The following SMG6 variants were observed in gnomAD, a reference collection of about 807,000 sequenced individuals.
SMG6 encodes the protein SMG6 nonsense mediated mRNA decay factor, also known as telomerase-binding protein EST1A.
In SMG6, 66 loss-of-function variants were observed where a neutral mutation model predicts 142.2. The observed-to-expected ratio is 0.46, with a 90% CI of 0.38 to 0.57. The LOEUF (loss-of-function observed/expected upper bound fraction) is 0.57. Ranked by LOEUF, SMG6 falls within the 20% of genes least tolerant of loss-of-function variation. The pLI is 0.00. For synonymous variants in SMG6, 779 were observed against 702.4 expected (o/e 1.11, Z -1.72); for missense variants, 1,793 against 1,832.0 (o/e 0.98, Z 0.39).
At chr17:2,269,841 C>T (rs1011411915) in intron 8 of SMG6, among the ~76,000 whole-genome samples, 2 of 152,072 alleles carry the variant, frequency 1.3e-5, no homozygotes, top group Non-Finnish European at 2.9e-5. Flanking sequence ...CAGAACATGC[C>T]CAAAGTCTCG....
At chr17:2,159,334 G>A (rs1438634505) in intron 13 of SMG6, among the ~76,000 whole-genome samples, 1 of 152,154 alleles carries the variant, frequency 6.6e-6, no homozygotes, top group African/African-American at 2.4e-5. Flanking sequence ...AGAGGCTGAG[G>A]TAGGAGAATT....
intron 12 of SMG6, 68 bp downstream of exon 12, chr17:2,186,595 G>A (rs1485212048): frequency 1.9e-6 from 3 of 1,558,324 alleles, no homozygotes; most frequent in Admixed American, 1.7e-5. Context: ...GCAGGATGAA[G>A]AGGGGAGCTG....
chr17:2,144,132 C>G, intron 13 of SMG6, among the ~76,000 whole-genome samples: 1 of 145,636 alleles, frequency 6.9e-6, no homozygotes, highest in Non-Finnish European at 1.5e-5. Flanking sequence ...GATCTCGGCT[C>G]ACTGCAATGT....
intron 10 of SMG6, among the ~76,000 whole-genome samples, chr17:2,224,097 C>A (rs1194433768): frequency 6.6e-6 from 1 of 152,014 alleles, no homozygotes; most frequent in Non-Finnish European, 1.5e-5. Context: ...CATTCGTGAG[C>A]TAGTAAAATA....
chr17:2,121,832 G>GTCTTT (rs530714741), intron 13 of SMG6, among the ~76,000 whole-genome samples: 30 of 151,986 alleles, frequency 2.0e-4, no homozygotes, highest in Middle Eastern at 6.8e-3. Context: ...GCCCAGGCTG[G>GTCTTT]TCTTTTCTTT....
At chr17:2,263,106 C>T (rs1479912317) in intron 8 of SMG6, among the ~76,000 whole-genome samples, 1 of 152,110 alleles carries the variant, frequency 6.6e-6, no homozygotes, top group Non-Finnish European at 1.5e-5. Context: ...AAGATAAACG[C>T]CCTTTACACT....
intron 18 of SMG6, chr17:2,062,023 C>T (rs1333522853): frequency 1.2e-5 from 2 of 160,724 alleles, no homozygotes; most frequent in African/African-American, 2.4e-5. Context: ...TTAACAAGTC[C>T]TCTCCCTCTA....
At chr17:2,277,172 ATTTTTTTT>A (rs764360988) in intron 8 of SMG6, among the ~76,000 whole-genome samples, 1,445 of 50,262 alleles carry the variant, frequency 0.029, 28 homozygotes, top group African/African-American at 0.08. Context: ...TTTATTTTTT[ATTTTTTTT>A]TTTTTTGAGA....
At chr17:2,156,607 C>T (rs996721504) in intron 13 of SMG6, among the ~76,000 whole-genome samples, 1 of 152,070 alleles carries the variant, frequency 6.6e-6, no homozygotes, top group Non-Finnish European at 1.5e-5. Flanking sequence ...AAATGAAATG[C>T]CAAGCCCAAA....
chr17:2,184,960 CAAAAAAAAAAAAAAA>C (rs58230459), intron 12 of SMG6, among the ~76,000 whole-genome samples: 2 of 22,474 alleles, frequency 8.9e-5, no homozygotes, highest in Non-Finnish European at 1.4e-4. Context: ...GACTCCATCT[CAAAAAAAAAAAAAAA>C]AAAAAAAAAA....
In SMG6 at chr17:2,195,274, C is replaced by A. The variant is rs550274741; in HGVS notation, c.2870-6759G>T. Among the ~76,000 whole-genome samples the A allele has an allele frequency of 6.6e-5, 10 of 152,302 alleles. No homozygotes were observed. In the East Asian group the frequency reaches 1.9e-3, roughly 29 times the overall value. On this transcript the variant is annotated intron_variant, in intron 10 of 18. Transcript: ENST00000263073. ...ATTAATTACATATTCCCACATGACA[C>A]CCTTCCCCTAAATCTGTACACACCC... is the stretch of plus-strand genomic sequence containing the variant.
At chr17:2,102,528 ATTTTTTTTTTTTT>A (rs374584197) in intron 13 of SMG6, among the ~76,000 whole-genome samples, 6 of 81,614 alleles carry the variant, frequency 7.4e-5, no homozygotes, top group South Asian at 8.4e-4. Flanking sequence ...TGCTAATTTC[ATTTTTTTTTTTTT>A]TTTTTTTTTT....
intron 8 of SMG6, among the ~76,000 whole-genome samples, chr17:2,270,051 T>C (rs147119321): frequency 2.2e-4 from 33 of 152,028 alleles, no homozygotes; most frequent in African/African-American, 8.0e-4. Context: ...ACAAAAAAAC[T>C]AGCACTTGAA....
intron 10 of SMG6, among the ~76,000 whole-genome samples, chr17:2,190,806 C>G (rs1258713816): frequency 6.6e-6 from 1 of 152,206 alleles, no homozygotes; most frequent in Non-Finnish European, 1.5e-5. Context: ...CCCTAACCCC[C>G]TCCTGAAGAA....
At chr17:2,099,274 T>TG (rs1281342763) in intron 13 of SMG6, among the ~76,000 whole-genome samples, 1 of 151,814 alleles carries the variant, frequency 6.6e-6, no homozygotes, top group South Asian at 2.1e-4. Flanking sequence ...ACCTTCTGTT[T>TG]GGGGGGTGCT....
intron 15 of SMG6, among the ~76,000 whole-genome samples, chr17:2,073,116 C>T (rs545123258): frequency 6.6e-6 from 1 of 152,060 alleles, no homozygotes; most frequent in East Asian, 2.0e-4. Flanking sequence ...CGGAGTCTTG[C>T]TCTGATGCCT....
intron 8 of SMG6, chr17:2,256,201 T>TA (rs1272177531): frequency 2.1e-5 from 3 of 144,020 alleles, no homozygotes; most frequent in Admixed American, 7.0e-5. Flanking sequence ...AATAAATAAA[T>TA]AAGAAGAAAA....
At position 2,283,548 on chromosome 17, in the gene SMG6, C is replaced by T. The variant is rs970508428; in HGVS notation, c.2448+77G>A. On this transcript the variant is annotated intron_variant, in intron 7 of 18. Transcript: ENST00000263073. ...CTCACTGGCTACGATCCTGCCGGTG[C>T]GCAGAGCTAGGGCACACCAACACTC... The T allele has an allele frequency of 3.4e-6, 4 of 1,162,386 alleles. No individual in the cohort carries two copies. The African/African-American group carries it at 4.5e-5, about 13-fold the overall frequency. The allele number at this position is 1,162,386 out of a possible 1,614,324, so 72.0% of individuals were successfully genotyped here.
intron 1 of SMG6, chr17:2,303,296 A>G: frequency 9.1e-7 from 1 of 1,104,148 alleles, no homozygotes; most frequent in Non-Finnish European, 1.1e-6. Flanking sequence ...GGCCTCCACC[A>G]GACCCCACTC....
Sources: gnomAD v4.1 joint callset for allele counts (sites outside exome capture counted in the v4.1 genomes callset) on GRCh38, gnomAD v4.1.1 for gene constraint, MANE v1.5 for transcripts, NCBI Gene and HGNC (gene_info 2026-07-23, HGNC 2026-07-21) for gene names.